TIAM1: variants seen among roughly 807,000 people sequenced by gnomAD.
TIAM1 encodes TIAM Rac1 associated GEF 1.
A neutral mutation model predicts 163.5 loss-of-function variants in TIAM1; 65 were observed. The observed-to-expected ratio is 0.40, with a 90% CI of 0.33 to 0.49. The LOEUF (loss-of-function observed/expected upper bound fraction) is 0.49. Ranked by LOEUF, TIAM1 falls within the 20% of genes least tolerant of loss-of-function variation. TIAM1 has a pLI of 0.77. For synonymous variants in TIAM1, 833 were observed against 810.1 expected (o/e 1.03, Z -0.48); for missense variants, 1,789 against 2,044.7 (o/e 0.87, Z 2.41).
rs551886511 is a variant in TIAM1, at chr21:31,507,177, T to C, written c.-421-43142A>G. On this transcript the variant is annotated intron_variant, in intron 1 of 28. Transcript: ENST00000286827. ...ATTTTTTGAGGTGCATGCACCTTTT[T>C]AATTTTTTTTTTTTTTTTTTTTTTT... Among the ~76,000 whole-genome samples the C allele has an allele frequency of 1.2e-3, 149 of 126,216 alleles. 1 individual carries two copies. The highest frequency in any genetic ancestry group is 4.1e-3 in the Middle Eastern group (1 of 246). 82.8% of individuals were successfully genotyped at this position (126,216 alleles called of 152,430 possible).
In TIAM1 at chr21:31,197,221, T is replaced by TGCCC. The variant is rs556466645; in HGVS notation, c.2494-1920_2494-1917dup. On this transcript the variant is annotated intron_variant, in intron 12 of 27. Transcript: ENST00000541036. ...TACTCAGGTAACAAACCTGCACATGTGCCCCTTGAATCTAAAATAAGAGTT... is the reference window on the plus strand; with the variant it reads ...TACTCAGGTAACAAACCTGCACATGTGCCCGCCCCTTGAATCTAAAATAAGAGTT... Among the ~76,000 whole-genome samples the TGCCC allele has an allele frequency of 1.6e-3, 238 of 152,266 alleles. 1 individual carries two copies. Among genetic ancestry groups the TGCCC allele is most frequent in the African/African-American group, 5.5e-3 (227 of 41,560 alleles).
intron 6 of TIAM1, among the ~76,000 whole-genome samples, chr21:31,240,024 C>T (rs2071084029): frequency 6.6e-6 from 1 of 152,134 alleles, no homozygotes. Flanking sequence ...AGAACAGGTA[C>T]AAGAGTGCTC....
chr21:31,173,221 C>T (rs946571392), intron 15 of TIAM1, among the ~76,000 whole-genome samples: 1 of 151,812 alleles, frequency 6.6e-6, no homozygotes, highest in Non-Finnish European at 1.5e-5. Context: ...GCAGACCCTC[C>T]AATTCAAACA....
chr21:31,448,247 GAACACTGGTTACTCCTAA>G (rs1293931048), intron 2 of TIAM1, among the ~76,000 whole-genome samples: 1 of 152,130 alleles, frequency 6.6e-6, no homozygotes, highest in Non-Finnish European at 1.5e-5. Flanking sequence ...AACACATGAG[GAACACTGGTTACTCCTAA>G]AACATCTACA....
intron 6 of TIAM1, among the ~76,000 whole-genome samples, chr21:31,243,207 A>ATATATATATATATATAT (rs1257885611): frequency 2.6e-5 from 3 of 117,334 alleles, no homozygotes; most frequent in African/African-American, 1.1e-4. Flanking sequence ...AAAAAAAAAA[A>ATATATATATATATATAT]AAATATATAT....
At chr21:31,244,150 A>G (rs774146469) in intron 6 of TIAM1, among the ~76,000 whole-genome samples, 4 of 152,184 alleles carry the variant, frequency 2.6e-5, no homozygotes, top group Admixed American at 6.5e-5. Context: ...AAAAGAAAAC[A>G]CAGATGCTTT....
intron 2 of TIAM1, among the ~76,000 whole-genome samples, chr21:31,437,585 C>T (rs1660262871): frequency 6.6e-6 from 1 of 151,702 alleles, no homozygotes; most frequent in Non-Finnish European, 1.5e-5. Context: ...GAATTATAAT[C>T]CCCAATGTTG....
At chr21:31,256,452 TGAATTCCAGGGGGTAAA>T (rs2072101907) in intron 4 of TIAM1, among the ~76,000 whole-genome samples, 1 of 152,142 alleles carries the variant, frequency 6.6e-6, no homozygotes, top group Admixed American at 6.5e-5. Context: ...CAGAATTCAC[TGAATTCCAGGGGGTAAA>T]GAAATGTGGA....
intron 2 of TIAM1, among the ~76,000 whole-genome samples, chr21:31,370,118 C>T (rs761885802): frequency 6.6e-6 from 1 of 152,164 alleles, no homozygotes; most frequent in Non-Finnish European, 1.5e-5. Context: ...TTTTGGACTT[C>T]CAATACCCAA....
At chr21:31,508,716 C>T (rs1180525558) in intron 1 of TIAM1, among the ~76,000 whole-genome samples, 2 of 152,108 alleles carry the variant, frequency 1.3e-5, no homozygotes, top group Non-Finnish European at 2.9e-5. Context: ...AACCAACTTT[C>T]GATCCTGGCC....
chr21:31,358,068 G>GC (rs2076345509), intron 2 of TIAM1, among the ~76,000 whole-genome samples: 2 of 152,188 alleles, frequency 1.3e-5, no homozygotes, highest in Admixed American at 1.3e-4. Flanking sequence ...AAGACTTGCT[G>GC]TCCAGCTACG....
At chr21:31,164,207 G>A (rs1274568250) in intron 16 of TIAM1, among the ~76,000 whole-genome samples, 1 of 152,082 alleles carries the variant, frequency 6.6e-6, no homozygotes, top group Admixed American at 6.5e-5. Flanking sequence ...TGGCTAACAC[G>A]GTGAAACCCT....
At chr21:31,127,563 T>C (rs1852600581) in intron 25 of TIAM1, among the ~76,000 whole-genome samples, 2 of 152,056 alleles carry the variant, frequency 1.3e-5, no homozygotes, top group African/African-American at 4.8e-5. Flanking sequence ...GGATTACAGA[T>C]GTGCACCCCA....
chr21:31,181,346 A>G (rs1434630944), intron 15 of TIAM1, among the ~76,000 whole-genome samples: 1 of 152,202 alleles, frequency 6.6e-6, no homozygotes, highest in African/African-American at 2.4e-5. Context: ...GCATGATCTA[A>G]TGAGGGCCCA....
intron 8 of TIAM1, among the ~76,000 whole-genome samples, chr21:31,219,231 A>G (rs754023262): frequency 1.3e-5 from 2 of 151,392 alleles, no homozygotes; most frequent in Non-Finnish European, 2.9e-5. Context: ...TTATCCTACC[A>G]GGTGGCAAGC....
chr21:31,272,404 C>CAT (rs772589633), intron 3 of TIAM1, among the ~76,000 whole-genome samples: 96 of 149,590 alleles, frequency 6.4e-4, no homozygotes, highest in Middle Eastern at 3.5e-3. Flanking sequence ...TAGGGTGGTT[C>CAT]ATATATATAT....
intron 2 of TIAM1, among the ~76,000 whole-genome samples, chr21:31,368,684 T>C (rs2147149805): frequency 6.6e-6 from 1 of 152,280 alleles, no homozygotes; most frequent in Admixed American, 6.5e-5. Context: ...TACTTATATT[T>C]GTAAGAAGAA....
intron 2 of TIAM1, among the ~76,000 whole-genome samples, chr21:31,420,399 A>T (rs916847015): frequency 5.3e-5 from 8 of 152,220 alleles, no homozygotes; most frequent in African/African-American, 1.9e-4. Flanking sequence ...CAGAAATTCC[A>T]GGAACTAATA....
intron 1 of TIAM1, among the ~76,000 whole-genome samples, chr21:31,543,615 G>C (rs1345467658): frequency 6.6e-6 from 1 of 152,212 alleles, no homozygotes; most frequent in Non-Finnish European, 1.5e-5. Context: ...ACCACACCTA[G>C]AAGAGGAGGT....
Sources: allele counts gnomAD v4.1 joint callset (sites outside exome capture counted in the v4.1 genomes callset), GRCh38; gene constraint gnomAD v4.1.1; transcripts MANE v1.5; gene names NCBI Gene and HGNC (gene_info 2026-07-23, HGNC 2026-07-21).